Variants in STK32B observed in about 807,000 individuals in gnomAD.
STK32B encodes the protein serine/threonine kinase 32B, also known as serine/threonine-protein kinase 32B.
Under a neutral mutation model 52.6 loss-of-function variants are expected in STK32B, and 43 were observed. The observed-to-expected ratio is 0.82, with a 90% CI of 0.64 to 1.05. STK32B has a LOEUF of 1.05. STK32B is among the 50% of genes least tolerant of loss of function. The pLI, the probability that STK32B is intolerant of heterozygous loss-of-function variation, is 0.00. For missense variants in STK32B, 621 were observed against 534.6 expected, an observed-to-expected ratio of 1.16 and a Z score of -1.59; for synonymous variants, 238 against 204.3, an observed-to-expected ratio of 1.17 and a Z score of -1.41.
At chr4:5,305,720 T>C (rs926087411) in intron 3 of STK32B, among the ~76,000 whole-genome samples, 1 of 152,112 alleles carries the variant, frequency 6.6e-6, no homozygotes, top group Non-Finnish European at 1.5e-5. Flanking sequence ...GCTCGGATCT[T>C]GGCTATTTCT....
At chr4:5,136,805 T>G (rs924621789) in intron 1 of STK32B, among the ~76,000 whole-genome samples, 1 of 152,154 alleles carries the variant, frequency 6.6e-6, no homozygotes, top group Non-Finnish European at 1.5e-5. Context: ...TTCTTTTAGG[T>G]GCTATTATGT....
At chr4:5,211,792 A>T (rs1722920849) in intron 3 of STK32B, among the ~76,000 whole-genome samples, 1 of 152,234 alleles carries the variant, frequency 6.6e-6, no homozygotes, top group Admixed American at 6.5e-5. Context: ...TCATTTGAAA[A>T]GTAAACAAAC....
intron 1 of STK32B, among the ~76,000 whole-genome samples, chr4:5,052,804 G>A (rs1741842558): frequency 6.6e-6 from 1 of 152,156 alleles, no homozygotes; most frequent in South Asian, 2.1e-4. Context: ...GTTTCCTACT[G>A]TGCTGACTCG....
chr4:5,495,405 G>C (rs528394240), intron 11 of STK32B, among the ~76,000 whole-genome samples: 3 of 151,872 alleles, frequency 2.0e-5, no homozygotes, highest in African/African-American at 7.3e-5. Context: ...TGTAGTTCTC[G>C]AGCCTTGGCT....
At chr4:5,096,299 A>G (rs531034955) in intron 1 of STK32B, among the ~76,000 whole-genome samples, 28 of 152,310 alleles carry the variant, frequency 1.8e-4, no homozygotes, top group Admixed American at 1.6e-3. Context: ...GATTTTCTGC[A>G]CTTTCCTGTT....
At chr4:5,047,360 G>C (rs529057409), upstream of STK32B, among the ~76,000 whole-genome samples, 1 of 150,144 alleles carries the variant, frequency 6.7e-6, no homozygotes, top group African/African-American at 2.4e-5. Flanking sequence ...TGAGGGGAGG[G>C]AACCTAGAGG....
rs1384444645 is a variant in STK32B, at chr4:5,499,465, G to GCAAT, written c.*386_*389dup. The stretch of plus-strand genomic sequence containing the variant: ...TTTGAAGTGACCCCCATTCCCCAAA[G>GCAAT]CAATCAAACCGTCATGACTTTGCAA... On this transcript the variant is annotated 3_prime_UTR_variant, in exon 12 of 12. Transcript: ENST00000282908. 1.0e-4 allele frequency: 18 copies of GCAAT among 175,154 alleles called. No homozygotes were observed. Among genetic ancestry groups the GCAAT allele is most frequent in the Non-Finnish European group, 3.6e-5 (3 of 84,088 alleles). The allele number at this position is 175,154 out of a possible 1,614,324, so 10.8% of individuals were successfully genotyped here. A position where few individuals can be genotyped will look rare whatever the true frequency, so the allele number is the denominator to read the frequency against.
At chr4:5,127,136 C>G (rs895743865) in intron 1 of STK32B, 7 of 510,340 alleles carry the variant, frequency 1.4e-5, no homozygotes, top group African/African-American at 1.3e-4. Flanking sequence ...AAGCTAGGAT[C>G]TTGATGCCAA....
At chr4:5,276,328 G>A (rs1268254184) in intron 3 of STK32B, among the ~76,000 whole-genome samples, 2 of 151,978 alleles carry the variant, frequency 1.3e-5, no homozygotes, top group Non-Finnish European at 2.9e-5. Context: ...GGTTTATCAC[G>A]TTTTCATGTC....
At chr4:5,359,192 A>G (rs932709254) in intron 4 of STK32B, among the ~76,000 whole-genome samples, 9 of 152,138 alleles carry the variant, frequency 5.9e-5, no homozygotes, top group Non-Finnish European at 1.2e-4. Context: ...TAAAGAGGAA[A>G]ATGGTGTATT....
At chr4:5,429,346 T>A (rs1713368948) in intron 6 of STK32B, among the ~76,000 whole-genome samples, 1 of 152,140 alleles carries the variant, frequency 6.6e-6, no homozygotes, top group South Asian at 2.1e-4. Context: ...TGTATTTGTT[T>A]CATTTGGTCT....
At chr4:5,337,083 ATCC>A (rs1264167792) in intron 4 of STK32B, among the ~76,000 whole-genome samples, 1 of 151,654 alleles carries the variant, frequency 6.6e-6, no homozygotes, top group Non-Finnish European at 1.5e-5. Flanking sequence ...GGCTCAAGTG[ATCC>A]TCCCACCTCA....
chr4:5,463,277 G>A (rs17464616), intron 9 of STK32B, among the ~76,000 whole-genome samples: 55,101 of 152,170 alleles, frequency 0.36, 10,863 homozygotes, highest in Non-Finnish European at 0.43. Flanking sequence ...TGCCTAATTA[G>A]CACTTCCTCG....
At chr4:5,199,808 C>A (rs990054527) in intron 3 of STK32B, among the ~76,000 whole-genome samples, 2 of 152,014 alleles carry the variant, frequency 1.3e-5, no homozygotes, top group African/African-American at 4.8e-5. Context: ...AAACCCTGCC[C>A]TCTGCTCGTC....
chr4:5,343,284 A>AT (rs1186135071), intron 4 of STK32B, among the ~76,000 whole-genome samples: 13 of 151,932 alleles, frequency 8.6e-5, no homozygotes, highest in African/African-American at 2.9e-4. Flanking sequence ...TGACCTCATC[A>AT]TTTTTTATGG....
At chr4:5,043,852 T>C in the STK32B span, among the ~76,000 whole-genome samples, 2,935 of 152,320 alleles carry the variant, frequency 0.019, 94 homozygotes, top group African/African-American at 0.067. Flanking sequence ...ACCTGTCTTC[T>C]CGGGCTCCCA....
In STK32B at chr4:5,229,945, C is replaced by G. The variant is rs142012506; in HGVS notation, c.260+61495C>G. 1.1e-4 allele frequency among the ~76,000 whole-genome samples: 16 copies of G among 152,074 alleles called. No individual in the cohort carries two copies. In the East Asian group the frequency reaches 3.1e-3, roughly 29 times the overall value. On this transcript the variant is annotated intron_variant, in intron 3 of 11. Coordinates refer to ENST00000282908, the MANE Select transcript of STK32B (RefSeq NM_018401.3). ...AGAAGTTCTGAGAACAATCTGAGAT[C>G]ATTTTTGAATATGCATGTTTATGCC...
chr4:5,065,897 T>C (rs547254794), intron 1 of STK32B, among the ~76,000 whole-genome samples: 2 of 152,224 alleles, frequency 1.3e-5, no homozygotes, highest in East Asian at 1.9e-4. Context: ...CTAATTCTTG[T>C]ATTTTTAGTA....
At chr4:5,171,027 T>G (rs1236452282) in intron 3 of STK32B, among the ~76,000 whole-genome samples, 1 of 152,238 alleles carries the variant, frequency 6.6e-6, no homozygotes, top group African/African-American at 2.4e-5. Flanking sequence ...TATCTCATTG[T>G]GGTTTTGATT....
Sources: gnomAD v4.1 joint callset for allele counts (sites outside exome capture counted in the v4.1 genomes callset) on GRCh38, gnomAD v4.1.1 for gene constraint, MANE v1.5 for transcripts, NCBI Gene and HGNC (gene_info 2026-07-23, HGNC 2026-07-21) for gene names.